Variants in CHRM5 observed in about 807,000 individuals in gnomAD.
CHRM5 encodes cholinergic receptor muscarinic 5, also known as muscarinic acetylcholine receptor M5.
Under a neutral mutation model 39.0 loss-of-function variants are expected in CHRM5, and 18 were observed. The ratio of observed to expected loss-of-function variants is 0.46; its 90% confidence interval spans 0.32 to 0.68. The LOEUF is 0.68. CHRM5 is among the 30% of genes least tolerant of loss of function. The pLI is 0.04. For synonymous variants in CHRM5, 241 were observed against 246.3 expected, an observed-to-expected ratio of 0.98 and a Z score of 0.20; for missense variants, 515 against 651.1, an observed-to-expected ratio of 0.79 and a Z score of 2.28.
rs1900460093 is a variant in CHRM5, at chr15:34,064,517, C to T, written c.*201C>T. On this transcript the variant is annotated 3_prime_UTR_variant, in exon 3 of 3. Transcript: ENST00000383263. ...TTGCTGACATATTAAATGACTCTTG[C>T]CTATGACCAAGGCCATTTGATGCCA... The T allele has an allele frequency of 1.2e-5, 8 of 652,014 alleles. No homozygotes were observed. The highest frequency in any genetic ancestry group is 2.1e-5 in the Non-Finnish European group (8 of 379,356). The allele number at this position is 652,014 out of a possible 1,614,324, so 40.4% of individuals were successfully genotyped here.
At chr15:34,014,367 T>G (rs1223816797) in intron 1 of CHRM5, among the ~76,000 whole-genome samples, 1 of 13,576 alleles carries the variant, frequency 7.4e-5, no homozygotes, top group African/African-American at 1.7e-4. Flanking sequence ...TCCATCTCAT[T>G]AAAAAAAAAA....
chr15:33,998,357 G>A (rs1303804706), intron 1 of CHRM5, among the ~76,000 whole-genome samples: 2 of 152,144 alleles, frequency 1.3e-5, no homozygotes, highest in African/African-American at 2.4e-5. Context: ...CAAGCATAGT[G>A]GCTGACATCA....
At chr15:33,984,098 G>C (rs1420448459) in intron 1 of CHRM5, among the ~76,000 whole-genome samples, 1 of 151,994 alleles carries the variant, frequency 6.6e-6, no homozygotes, top group African/African-American at 2.4e-5. Context: ...AAGAGAAAAA[G>C]GACATCAGTG....
intron 1 of CHRM5, among the ~76,000 whole-genome samples, chr15:34,031,224 G>A (rs1031622213): frequency 7.7e-6 from 1 of 129,854 alleles, no homozygotes; most frequent in Non-Finnish European, 1.5e-5. Flanking sequence ...GCCCAGGCTG[G>A]AATGCAATGG....
chr15:34,039,145 A>C, intron 1 of CHRM5: 1 of 984,622 alleles, frequency 1.0e-6, no homozygotes, highest in Non-Finnish European at 1.2e-6. Context: ...CCGCGAGCGA[A>C]AGGCGCCCGG....
intron 1 of CHRM5, among the ~76,000 whole-genome samples, chr15:34,013,423 C>T (rs537142832): frequency 1.9e-4 from 29 of 152,218 alleles, no homozygotes; most frequent in African/African-American, 6.5e-4. Flanking sequence ...CCAGGATAAA[C>T]TTATTTCTTT....
At chr15:34,006,310 C>CA (rs796228574) in intron 1 of CHRM5, among the ~76,000 whole-genome samples, 39,881 of 121,020 alleles carry the variant, frequency 0.33, 5,553 homozygotes, top group Middle Eastern at 0.48. Context: ...GACTCCGTCT[C>CA]AAAAAAAAAA....
intron 1 of CHRM5, among the ~76,000 whole-genome samples, chr15:33,980,459 C>G (rs1037441302): frequency 7.2e-5 from 11 of 152,182 alleles, no homozygotes; most frequent in Non-Finnish European, 1.3e-4. Context: ...TGCTGCCTCC[C>G]AGGCAACACG....
chr15:34,058,992 G>A (rs1191499461), intron 2 of CHRM5, among the ~76,000 whole-genome samples: 4 of 152,152 alleles, frequency 2.6e-5, no homozygotes, highest in Non-Finnish European at 5.9e-5. Context: ...CACCTCCTGA[G>A]TTCAAGCAAT....
intron 1 of CHRM5, among the ~76,000 whole-genome samples, chr15:34,041,139 A>G (rs1597382143): frequency 2.0e-5 from 3 of 151,994 alleles, no homozygotes; most frequent in Admixed American, 2.0e-4. Flanking sequence ...TATCCTGTGC[A>G]TTGTAGAATA....
intron 1 of CHRM5, among the ~76,000 whole-genome samples, chr15:33,984,361 C>A (rs988382387): frequency 2.0e-5 from 3 of 151,374 alleles, no homozygotes; most frequent in African/African-American, 7.3e-5. Flanking sequence ...AGATATTCTG[C>A]AAACTCAGTC....
chr15:34,060,581 T>C (rs1052048637), intron 2 of CHRM5, among the ~76,000 whole-genome samples: 3 of 152,172 alleles, frequency 2.0e-5, no homozygotes, highest in East Asian at 3.9e-4. Flanking sequence ...TTAAGGGTCA[T>C]CAAAAAGATT....
At chr15:34,014,388 AAAC>A (rs1341854177) in intron 1 of CHRM5, among the ~76,000 whole-genome samples, 1,365 of 114,192 alleles carry the variant, frequency 0.012, 219 homozygotes, top group Non-Finnish European at 0.017. Context: ...AAAAAAACAA[AAAC>A]AAAAACCACG....
intron 1 of CHRM5, among the ~76,000 whole-genome samples, chr15:33,978,006 AAGGGAGGG>A (rs139136537): frequency 1.5e-5 from 2 of 137,170 alleles, no homozygotes; most frequent in African/African-American, 2.6e-5. Flanking sequence ...GGAAGAGAGG[AAGGGAGGG>A]AGGGAGGGAG....
intron 1 of CHRM5, among the ~76,000 whole-genome samples, chr15:33,992,447 G>A (rs914279645): frequency 6.6e-6 from 1 of 152,122 alleles, no homozygotes; most frequent in Non-Finnish European, 1.5e-5. Flanking sequence ...CAGCTACAAG[G>A]AAAAGTTTTT....
intron 1 of CHRM5, among the ~76,000 whole-genome samples, chr15:33,985,465 T>A (rs949658700): frequency 2.7e-5 from 3 of 109,492 alleles, no homozygotes; most frequent in African/African-American, 1.1e-4. Flanking sequence ...CTTGAGTAAG[T>A]AGAAGCAACC....
chr15:34,003,237 G>A (rs1209280092), intron 1 of CHRM5: 1 of 1,608,294 alleles, frequency 6.2e-7, no homozygotes, highest in East Asian at 2.2e-5. Flanking sequence ...AAATCAATAA[G>A]TAAGCAGTGG....
At chr15:34,015,073 A>G (rs1897826205) in intron 1 of CHRM5, among the ~76,000 whole-genome samples, 1 of 152,132 alleles carries the variant, frequency 6.6e-6, no homozygotes, top group African/African-American at 2.4e-5. Context: ...TCTCCCTTCT[A>G]AAAGCTGGGA....
rs1900516848 is a variant in CHRM5, at chr15:34,066,613, TG to T, written c.*2299del. The T allele has an allele frequency of 6.6e-6, 1 of 152,222 alleles. No individual in the cohort carries two copies. The allele number at this position is 152,222 out of a possible 1,614,324, so 9.4% of individuals were successfully genotyped here. A position where few individuals can be genotyped will look rare whatever the true frequency, so the allele number is the denominator to read the frequency against. The stretch of plus-strand genomic sequence containing the variant: ...TGACCCTAGGGGCTCAAGACCAGCC[TG>T]GCAACATAGGGAGACCCTGTCTCTA... On this transcript the variant is annotated 3_prime_UTR_variant, in exon 3 of 3. Coordinates refer to ENST00000383263, the MANE Select transcript of CHRM5 (RefSeq NM_012125.4).
Sources: gnomAD v4.1 joint callset for allele counts (sites outside exome capture counted in the v4.1 genomes callset) on GRCh38, gnomAD v4.1.1 for gene constraint, MANE v1.5 for transcripts, NCBI Gene and HGNC (gene_info 2026-07-23, HGNC 2026-07-21) for gene names.